PTP4A3: variants seen among roughly 807,000 people sequenced by gnomAD.
PTP4A3 encodes protein tyrosine phosphatase type IVA 3.
A neutral mutation model predicts 15.2 loss-of-function variants in PTP4A3; 9 were observed. The observed-to-expected ratio is 0.59, with a 90% confidence interval of 0.36 to 1.03. The LOEUF (loss-of-function observed/expected upper bound fraction) is 1.03. PTP4A3 is among the 50% of genes least tolerant of loss of function. PTP4A3 has a pLI of 0.02. For missense variants in PTP4A3, 234 were observed against 252.1 expected (o/e 0.93, Z 0.49); for synonymous variants, 95 against 102.0 (o/e 0.93, Z 0.41).
chr8:141,394,492 C>A (rs1290415344), intron 1 of PTP4A3, among the ~76,000 whole-genome samples: 2 of 152,196 alleles, frequency 1.3e-5, no homozygotes, highest in Non-Finnish European at 2.9e-5. Flanking sequence ...GTCCCTGGCA[C>A]CCCTCCCTGC....
intron 1 of PTP4A3, among the ~76,000 whole-genome samples, chr8:141,412,188 A>G (rs1206775653): frequency 6.6e-6 from 1 of 152,156 alleles, no homozygotes; most frequent in Non-Finnish European, 1.5e-5. Context: ...GACACAGCAG[A>G]GGTGTACATG....
chr8:141,418,813 C>T (rs1369089062), intron 1 of PTP4A3, among the ~76,000 whole-genome samples: 1 of 152,166 alleles, frequency 6.6e-6, no homozygotes, highest in Non-Finnish European at 1.5e-5. Context: ...AGTGCCCATC[C>T]CTGGGGATCC....
At chr8:141,400,057 G>C (rs34071135) in intron 1 of PTP4A3, among the ~76,000 whole-genome samples, 1 of 152,182 alleles carries the variant, frequency 6.6e-6, no homozygotes, top group Non-Finnish European at 1.5e-5. Flanking sequence ...ACAGGCATGC[G>C]CCACTATGCC....
intron 2 of PTP4A3, among the ~76,000 whole-genome samples, chr8:141,423,449 T>A (rs1256590389): frequency 6.6e-6 from 1 of 152,170 alleles, no homozygotes; most frequent in East Asian, 1.9e-4. Context: ...GCTCACTGTT[T>A]GACCAGGATC....
intron 5 of PTP4A3, among the ~76,000 whole-genome samples, chr8:141,430,047 G>T (rs1833776455): frequency 8.0e-6 from 1 of 125,454 alleles, no homozygotes; most frequent in Non-Finnish European, 1.7e-5. Context: ...GGACCAGGTG[G>T]CGGGGACAGG....
At position 141,430,920 on chromosome 8, in the gene PTP4A3, T is replaced by C. The variant is rs964683360; in HGVS notation, c.405-7T>C. ...GATGATCTCTGTTCCTGTTCCCCTCTTCCCAGGAAGCGCCGCGGAGCCATC... is the reference window on the plus strand; with the variant it reads ...GATGATCTCTGTTCCTGTTCCCCTCCTCCCAGGAAGCGCCGCGGAGCCATC... On this transcript the variant is annotated splice_region_variant and splice_polypyrimidine_tract_variant and intron_variant, in intron 5 of 5. Coordinates refer to ENST00000521578, the MANE Select transcript of PTP4A3 (RefSeq NM_032611.3). The C allele has an allele frequency of 2.5e-6, 4 of 1,612,798 alleles. No individual in the cohort carries two copies. The highest frequency in any genetic ancestry group is 3.4e-6 in the Non-Finnish European group (4 of 1,179,700).
At chr8:141,415,414 C>T (rs1409138420) in intron 1 of PTP4A3, among the ~76,000 whole-genome samples, 2 of 151,392 alleles carry the variant, frequency 1.3e-5, no homozygotes, top group Non-Finnish European at 3.0e-5. Flanking sequence ...CCCTGTCCCC[C>T]GTGGGCCCCA....
At chr8:141,429,081 C>G (rs1327059275) in intron 5 of PTP4A3, among the ~76,000 whole-genome samples, 1 of 152,264 alleles carries the variant, frequency 6.6e-6, no homozygotes, top group Non-Finnish European at 1.5e-5. Flanking sequence ...CGGAAACAGC[C>G]AGGCCTGAAC....
chr8:141,420,948 A>G (rs1479165217), intron 1 of PTP4A3, among the ~76,000 whole-genome samples: 2 of 152,214 alleles, frequency 1.3e-5, no homozygotes, highest in Non-Finnish European at 1.5e-5. Context: ...GAGAATCGGA[A>G]GAGGAGAGGG....
At chr8:141,414,938 T>G (rs1391444287) in intron 1 of PTP4A3, among the ~76,000 whole-genome samples, 1 of 146,810 alleles carries the variant, frequency 6.8e-6, no homozygotes, top group African/African-American at 2.5e-5. Context: ...CAGCCCCTCC[T>G]CCACTGGTGG....
In PTP4A3 at chr8:141,425,210, C is replaced by A; in HGVS notation, c.198+70C>A. 1 of 1,411,034 alleles carries A rather than the reference C, an allele frequency of 7.1e-7. No individual in the cohort carries two copies. The highest frequency in any genetic ancestry group is 2.4e-5 in the East Asian group (1 of 41,568). The allele number at this position is 1,411,034 out of a possible 1,614,324, so 87.4% of individuals were successfully genotyped here. A position where few individuals can be genotyped will look rare whatever the true frequency, so the allele number is the denominator to read the frequency against. On this transcript the variant is annotated intron_variant, in intron 3 of 5. Transcript: ENST00000521578. This position sits in a 1 kb window ranked among gnomAD's most constrained non-coding sequence, Gnocchi z 4.2. ...GGAGGGTGGGGCGGGGGGCTCCGGG[C>A]CTGCGCAGAGGGTTTGGTGCCCCTC... is the stretch of plus-strand genomic sequence containing the variant.
intron 3 of PTP4A3, chr8:141,426,380 A>C: frequency 2.1e-6 from 2 of 943,686 alleles, no homozygotes; most frequent in South Asian, 9.8e-5. Context: ...CCCCAGGAGC[A>C]ATGGGCCGGG....
At chr8:141,418,127 C>T (rs1037493976) in intron 1 of PTP4A3, among the ~76,000 whole-genome samples, 6 of 152,080 alleles carry the variant, frequency 3.9e-5, no homozygotes, top group Non-Finnish European at 8.8e-5. Flanking sequence ...CCGCTGGCAC[C>T]CAGGGAGGGG....
intron 2 of PTP4A3, among the ~76,000 whole-genome samples, chr8:141,423,166 G>C (rs28647188): frequency 0.033 from 5,064 of 152,276 alleles, 273 homozygotes; most frequent in African/African-American, 0.12. Context: ...TAATGAAACA[G>C]ATTTGGGCGT....
chr8:141,417,547 C>CCGG (rs1424409473), intron 1 of PTP4A3, among the ~76,000 whole-genome samples: 2 of 152,104 alleles, frequency 1.3e-5, no homozygotes, highest in Admixed American at 1.3e-4. Context: ...GGAGCGCGGC[C>CCGG]CGGCGGCTCC....
chr8:141,404,137 G>A (rs1477755103), intron 1 of PTP4A3, among the ~76,000 whole-genome samples: 1 of 152,266 alleles, frequency 6.6e-6, no homozygotes, highest in East Asian at 1.9e-4. Flanking sequence ...CGGAGGACAG[G>A]GAGAAAACCC....
intron 1 of PTP4A3, among the ~76,000 whole-genome samples, chr8:141,414,076 G>C (rs1479827326): frequency 6.6e-6 from 1 of 152,236 alleles, no homozygotes; most frequent in African/African-American, 2.4e-5. Context: ...GTGTGTGTGT[G>C]TGTGTGTGCA....
intron 2 of PTP4A3, among the ~76,000 whole-genome samples, chr8:141,424,527 G>A (rs1475104922): frequency 6.6e-6 from 1 of 152,040 alleles, no homozygotes; most frequent in African/African-American, 2.4e-5. Context: ...TTCGGATGCA[G>A]GGGCTCACAC....
intron 1 of PTP4A3, among the ~76,000 whole-genome samples, chr8:141,396,065 C>T (rs984347557): frequency 2.0e-5 from 3 of 152,228 alleles, no homozygotes; most frequent in African/African-American, 4.8e-5. Context: ...TGTGTAACCC[C>T]CACCCCTGCC....
Sources: allele counts gnomAD v4.1 joint callset (sites outside exome capture counted in the v4.1 genomes callset), GRCh38; gene constraint gnomAD v4.1.1; non-coding constraint Gnocchi (gnomAD v3.1); transcripts MANE v1.5; gene names NCBI Gene and HGNC (gene_info 2026-07-23, HGNC 2026-07-21).